The following PLCL1 variants were observed in gnomAD, a reference collection of about 807,000 sequenced individuals.
PLCL1 encodes inactive phospholipase C-like protein 1.
In PLCL1, 41 loss-of-function variants were observed where a neutral mutation model predicts 84.4. That is an observed-to-expected ratio of 0.49 (90% CI 0.38 to 0.63). The LOEUF (loss-of-function observed/expected upper bound fraction) is 0.63, where lower values mean the gene tolerates loss of function less well. Among genes scored for constraint, PLCL1 ranks in the 30% least tolerant of loss-of-function variants. The pLI is 0.00. For missense variants in PLCL1, 1,206 were observed against 1,367.8 expected (o/e 0.88, Z 1.87); for synonymous variants, 490 against 488.3 (o/e 1.00, Z -0.05).
At chr2:198,022,861 C>G (rs1691170907) in intron 1 of PLCL1, among the ~76,000 whole-genome samples, 1 of 152,184 alleles carries the variant, frequency 6.6e-6, no homozygotes, top group Non-Finnish European at 1.5e-5. Context: ...TTCTGTCAAG[C>G]TTCCATTGAA....
intron 1 of PLCL1, among the ~76,000 whole-genome samples, chr2:197,868,330 A>G (rs980281336): frequency 2.0e-5 from 3 of 152,158 alleles, no homozygotes; most frequent in African/African-American, 2.4e-5. Flanking sequence ...TTATCTGACA[A>G]TCTCAACTAG....
At chr2:197,983,062 A>AT (rs1377631527) in intron 1 of PLCL1, among the ~76,000 whole-genome samples, 1 of 151,794 alleles carries the variant, frequency 6.6e-6, no homozygotes, top group Non-Finnish European at 1.5e-5. Flanking sequence ...TAAAATGCAT[A>AT]TTTTCCTTCC....
chr2:197,851,906 T>C (rs1687246812), intron 1 of PLCL1, among the ~76,000 whole-genome samples: 1 of 152,354 alleles, frequency 6.6e-6, no homozygotes, highest in Middle Eastern at 3.4e-3. Flanking sequence ...TCTGTACCAA[T>C]GTGAGGCCAC....
chr2:197,921,993 T>C (rs986373585), intron 1 of PLCL1, among the ~76,000 whole-genome samples: 1 of 127,906 alleles, frequency 7.8e-6, no homozygotes, highest in African/African-American at 2.7e-5. Context: ...GGTTGATTGA[T>C]AAATTCTTTT....
chr2:197,985,465 T>C (rs996995568), intron 1 of PLCL1, among the ~76,000 whole-genome samples: 5 of 152,272 alleles, frequency 3.3e-5, no homozygotes, highest in Admixed American at 6.5e-5. Context: ...TCATATAGGA[T>C]GAAGTGAATA....
At position 198,085,726 on chromosome 2, in the gene PLCL1, A is replaced by T; in HGVS notation, c.2209A>T (p.Lys737Ter). 3 of 1,614,160 alleles carry T rather than the reference A, an allele frequency of 1.9e-6. No homozygotes were observed. The highest frequency in any genetic ancestry group is 2.7e-5 in the African/African-American group (2 of 75,066). The change falls in exon 2 of 6, where the codon AAG becomes TAG. Residue 737 changes from lysine to a stop codon, truncating the protein, a stop_gained. Transcript: ENST00000428675. LOFTEE classifies it high-confidence loss of function. This position sits in a 1 kb window ranked among gnomAD's most constrained non-coding sequence, Gnocchi z 5.3. Reference sequence around the variant, plus strand: ...CAGTGGTCAGAATTTCCCAAAGCCCAAGGGAGCTTGTGCCAAAGGGGATGT... The same window carrying T: ...CAGTGGTCAGAATTTCCCAAAGCCCTAGGGAGCTTGTGCCAAAGGGGATGT... ...IISGQNFPKP[K>*]GACAKGDVID...
intron 1 of PLCL1, among the ~76,000 whole-genome samples, chr2:198,053,039 C>G (rs1478556085): frequency 6.6e-6 from 1 of 152,176 alleles, no homozygotes; most frequent in South Asian, 2.1e-4. Flanking sequence ...GATTTTAGGT[C>G]TGAGAGACCT....
intron 1 of PLCL1, among the ~76,000 whole-genome samples, chr2:198,065,242 A>C (rs1027124798): frequency 3.3e-5 from 5 of 152,174 alleles, no homozygotes; most frequent in African/African-American, 1.2e-4. Context: ...ATACTTTAGG[A>C]AACTTCTTTA....
intron 5 of PLCL1, among the ~76,000 whole-genome samples, chr2:198,135,693 A>G (rs950789401): frequency 2.0e-5 from 3 of 152,224 alleles, no homozygotes; most frequent in Admixed American, 6.5e-5. Flanking sequence ...CAAAGCAGAC[A>G]GATGGCTTCT....
At chr2:198,013,541 G>A (rs947376546) in intron 1 of PLCL1, among the ~76,000 whole-genome samples, 3 of 152,090 alleles carry the variant, frequency 2.0e-5, no homozygotes, top group Non-Finnish European at 4.4e-5. Context: ...ATACTAGAAA[G>A]TGGTTTGCTG....
At chr2:198,068,389 G>A (rs1692368649) in intron 1 of PLCL1, among the ~76,000 whole-genome samples, 2 of 152,116 alleles carry the variant, frequency 1.3e-5, no homozygotes, top group South Asian at 4.1e-4. Flanking sequence ...TGCTGCCCAT[G>A]ATCCTTTTAT....
At chr2:198,120,566 T>C (rs562339270) in intron 5 of PLCL1, among the ~76,000 whole-genome samples, 17 of 152,118 alleles carry the variant, frequency 1.1e-4, no homozygotes, top group Admixed American at 3.9e-4. Flanking sequence ...ACTTAGAACA[T>C]GTAAAGTTTG....
At chr2:197,846,969 T>C (rs949948566) in intron 1 of PLCL1, among the ~76,000 whole-genome samples, 3 of 152,272 alleles carry the variant, frequency 2.0e-5, no homozygotes, top group African/African-American at 7.2e-5. Context: ...TTTATAACTA[T>C]GAAGTAGTAG....
At chr2:197,997,245 G>C (rs755952818) in intron 1 of PLCL1, among the ~76,000 whole-genome samples, 1 of 152,208 alleles carries the variant, frequency 6.6e-6, no homozygotes, top group South Asian at 2.1e-4. Context: ...GGGCGGGGGC[G>C]TGAGCCCAGC....
chr2:198,075,131 A>T (rs755807650), intron 1 of PLCL1, among the ~76,000 whole-genome samples: 3 of 152,212 alleles, frequency 2.0e-5, no homozygotes, highest in Non-Finnish European at 4.4e-5. Context: ...CAGAAACAAC[A>T]GTCAGTGCTG....
At chr2:198,088,743 T>C in intron 2 of PLCL1, 115 bp from the exon 3 acceptor site, 1 of 752,970 alleles carries the variant, frequency 1.3e-6, no homozygotes, top group East Asian at 2.4e-5. Context: ...AGTATAGTTA[T>C]GAATTAGCCC....
chr2:198,011,328 C>T (rs936010033), intron 1 of PLCL1, among the ~76,000 whole-genome samples: 8 of 151,916 alleles, frequency 5.3e-5, no homozygotes, highest in African/African-American at 1.7e-4. Flanking sequence ...TCACTTGTCT[C>T]CAGATATTTT....
chr2:197,896,861 ATG>A (rs1212477779), intron 1 of PLCL1, among the ~76,000 whole-genome samples: 1 of 149,380 alleles, frequency 6.7e-6, no homozygotes, highest in Non-Finnish European at 1.5e-5. Flanking sequence ...ATCTCTAAGA[ATG>A]GTTCCATGTG....
At chr2:198,048,335 G>A (rs1024704227) in intron 1 of PLCL1, among the ~76,000 whole-genome samples, 2 of 152,210 alleles carry the variant, frequency 1.3e-5, no homozygotes, top group South Asian at 2.1e-4. Flanking sequence ...TACCTTTTAT[G>A]TGTTCTCACA....
Sources: allele counts gnomAD v4.1 joint callset (sites outside exome capture counted in the v4.1 genomes callset), GRCh38; gene constraint gnomAD v4.1.1; non-coding constraint Gnocchi (gnomAD v3.1); transcripts MANE v1.5; gene names NCBI Gene and HGNC (gene_info 2026-07-23, HGNC 2026-07-21).